RANBP2: variants seen among roughly 807,000 people sequenced by gnomAD.
RANBP2 encodes RAN binding protein 2.
Under a neutral mutation model 303.6 loss-of-function variants are expected in RANBP2, and 57 were observed. The observed-to-expected ratio is 0.19, with a 90% CI of 0.15 to 0.23. The LOEUF (loss-of-function observed/expected upper bound fraction) is 0.23, where lower values mean the gene tolerates loss of function less well. Ranked by LOEUF, RANBP2 falls within the 10% of genes least tolerant of loss-of-function variation. The probability of loss-of-function intolerance (pLI) is 1.00; values close to 1 mark genes in which losing one functional copy is unlikely to be tolerated. For missense variants in RANBP2, 3,138 were observed against 3,780.8 expected (o/e 0.83, Z 4.46); for synonymous variants, 1,167 against 1,301.5 (o/e 0.90, Z 2.23).
chr2:109,105,929 C>T, the RANBP2 span, among the ~76,000 whole-genome samples: 1 of 150,650 alleles, frequency 6.6e-6, no homozygotes, highest in African/African-American at 2.4e-5. Context: ...TCTCGGCTCA[C>T]TGCAGCCTCT....
At position 108,765,779 on chromosome 2, in the gene RANBP2, G is replaced by C; in HGVS notation, c.5240G>C (p.Cys1747Ser). Residue 1747 changes from cysteine (C) to serine (S), a missense_variant, in exon 20 of 29, where the codon TGT (cysteine) becomes TCT (serine). Around this residue, in one of 20 missense-constraint regions of RANBP2, gnomAD observed 348 missense variants for 360.4 expected, o/e 0.97. Transcript: ENST00000283195. Reference sequence around the variant, plus strand: ...GCCAGTGCTACCAAATGTATTGCTTGTCAGTGTCCAAGTAAACAAAATCAA... The same window carrying C: ...GCCAGTGCTACCAAATGTATTGCTTCTCAGTGTCCAAGTAAACAAAATCAA... ...NEASATKCIA[C>S]QCPSKQNQTT... 6.2e-7 allele frequency: 1 copy of C among 1,613,892 alleles called. No homozygotes were observed. The highest frequency in any genetic ancestry group is 8.5e-7 in the Non-Finnish European group (1 of 1,179,976).
the RANBP2 span, among the ~76,000 whole-genome samples, chr2:109,477,103 A>G: frequency 6.6e-6 from 1 of 152,280 alleles, no homozygotes; most frequent in Non-Finnish European, 1.5e-5. Flanking sequence ...GCCTCATGTT[A>G]CCTAGCCCCT....
the RANBP2 span, among the ~76,000 whole-genome samples, chr2:109,600,538 G>GAA: frequency 9.8e-5 from 13 of 132,322 alleles, no homozygotes; most frequent in South Asian, 2.5e-4. Context: ...GCAATGAGTT[G>GAA]AAAAAAAAAA....
the RANBP2 span, among the ~76,000 whole-genome samples, chr2:109,498,559 T>C: frequency 4.8e-3 from 726 of 152,350 alleles, 9 homozygotes; most frequent in African/African-American, 0.017. Context: ...GCTTCCTCCC[T>C]GAGCATGCAC....
the RANBP2 span, among the ~76,000 whole-genome samples, chr2:109,487,454 C>G: frequency 6.6e-6 from 1 of 152,240 alleles, no homozygotes; most frequent in Admixed American, 6.5e-5. Context: ...AAGGCATTAG[C>G]AGAATTCTGT....
chr2:109,140,403 C>T, the RANBP2 span, among the ~76,000 whole-genome samples: 11 of 150,990 alleles, frequency 7.3e-5, no homozygotes, highest in East Asian at 2.0e-4. Flanking sequence ...TTTTTAGAGA[C>T]GGAGTCTTGC....
the RANBP2 span, among the ~76,000 whole-genome samples, chr2:109,479,369 C>T: frequency 6.6e-6 from 1 of 152,186 alleles, no homozygotes; most frequent in Non-Finnish European, 1.5e-5. Context: ...TTAGAAAATA[C>T]AATTTGCCAC....
chr2:109,189,192 C>T, the RANBP2 span, among the ~76,000 whole-genome samples: 4 of 151,890 alleles, frequency 2.6e-5, no homozygotes, highest in African/African-American at 9.7e-5. Flanking sequence ...AATGCTGCTT[C>T]TGATACCCCC....
chr2:109,220,905 G>A, the RANBP2 span, among the ~76,000 whole-genome samples: 61 of 152,232 alleles, frequency 4.0e-4, no homozygotes, highest in Non-Finnish European at 8.8e-5. Flanking sequence ...TAATCCAGCA[G>A]TTCTATTCCT....
chr2:109,443,368 C>G, the RANBP2 span, among the ~76,000 whole-genome samples: 10 of 152,316 alleles, frequency 6.6e-5, no homozygotes, highest in Admixed American at 6.5e-4. Flanking sequence ...CTCCTGTCAT[C>G]TCTGTGTGAC....
At chr2:108,744,235 C>A (rs983515989) in intron 7 of RANBP2, among the ~76,000 whole-genome samples, 2 of 152,116 alleles carry the variant, frequency 1.3e-5, no homozygotes, top group Non-Finnish European at 2.9e-5. Context: ...CAAACCCCAT[C>A]TCTACTAAAA....
chr2:108,980,644 C>A, the RANBP2 span, among the ~76,000 whole-genome samples: 1 of 152,004 alleles, frequency 6.6e-6, no homozygotes, highest in Non-Finnish European at 1.5e-5. Flanking sequence ...AGTGTGGGGC[C>A]AGGGAGGGTT....
At chr2:109,420,721 A>G in the RANBP2 span, among the ~76,000 whole-genome samples, 1 of 152,186 alleles carries the variant, frequency 6.6e-6, no homozygotes, top group African/African-American at 2.4e-5. Context: ...CTGGGATTAC[A>G]GGCATGAGCC....
the RANBP2 span, among the ~76,000 whole-genome samples, chr2:109,069,881 A>G: frequency 2.6e-5 from 4 of 152,180 alleles, no homozygotes; most frequent in African/African-American, 9.7e-5. Context: ...GTAAACCAGT[A>G]CTCTGTCCTC....
the RANBP2 span, among the ~76,000 whole-genome samples, chr2:108,965,341 C>T: frequency 2.2e-4 from 33 of 151,638 alleles, no homozygotes; most frequent in East Asian, 2.3e-3. Context: ...ATTAGCTGGG[C>T]GTGGTGGTGG....
chr2:109,086,410 C>A, the RANBP2 span, among the ~76,000 whole-genome samples: 1 of 152,198 alleles, frequency 6.6e-6, no homozygotes, highest in Non-Finnish European at 1.5e-5. Context: ...TATATATGAT[C>A]TCATGTAATT....
the RANBP2 span, among the ~76,000 whole-genome samples, chr2:109,700,608 G>A: frequency 6.6e-6 from 1 of 152,082 alleles, no homozygotes; most frequent in Non-Finnish European, 1.5e-5. Context: ...AATAGAACGG[G>A]AGGCAGGTTT....
the RANBP2 span, among the ~76,000 whole-genome samples, chr2:109,598,341 T>C: frequency 2.0e-5 from 3 of 152,088 alleles, no homozygotes; most frequent in African/African-American, 7.2e-5. Flanking sequence ...GTGCTGGGAT[T>C]ATAGGCGTGA....
the RANBP2 span, among the ~76,000 whole-genome samples, chr2:109,407,911 G>A: frequency 2.0e-5 from 3 of 152,200 alleles, no homozygotes; most frequent in Non-Finnish European, 4.4e-5. Context: ...CGATTGCAAA[G>A]CTTACCAATC....
Sources: allele counts gnomAD v4.1 joint callset (sites outside exome capture counted in the v4.1 genomes callset), GRCh38; gene constraint gnomAD v4.1.1; regional missense constraint gnomAD v4.1.1; transcripts MANE v1.5; gene names NCBI Gene and HGNC (gene_info 2026-07-23, HGNC 2026-07-21).